Variants in STK32A observed in about 807,000 individuals in gnomAD.
STK32A encodes the protein serine/threonine kinase 32A.
In STK32A, 41 loss-of-function variants were observed where a neutral mutation model predicts 53.2. The observed-to-expected ratio is 0.77, with a 90% CI of 0.60 to 1.00. The LOEUF (loss-of-function observed/expected upper bound fraction) is 1.00, where lower values mean the gene tolerates loss of function less well. Among genes scored for constraint, STK32A ranks in the 50% least tolerant of loss-of-function variants. STK32A has a pLI of 0.00. For missense variants in STK32A, 458 were observed against 485.8 expected (o/e 0.94, Z 0.54); for synonymous variants, 166 against 162.8 (o/e 1.02, Z -0.15).
intron 5 of STK32A, among the ~76,000 whole-genome samples, chr5:147,339,226 T>C (rs1755286048): frequency 6.6e-6 from 1 of 152,112 alleles, no homozygotes. Context: ...CAGCTGTTTC[T>C]AAAGGGGCCA....
In STK32A at chr5:147,343,081, T is replaced by G. The variant is rs545724168; in HGVS notation, c.472+38T>G. The G allele has an allele frequency of 3.0e-5, 48 of 1,606,762 alleles. No homozygotes were observed. In the South Asian group the frequency reaches 5.1e-4, roughly 17 times the overall value. ...TTTGTTTGCAATCAAGTACATGACA[T>G]GCATGTAGAAAAGTTGATTGTTCCC... On this transcript the variant is annotated intron_variant, in intron 6 of 12. Transcript: ENST00000397936.
intron 7 of STK32A, among the ~76,000 whole-genome samples, chr5:147,355,175 G>A (rs111496562): frequency 2.0e-5 from 3 of 152,146 alleles, no homozygotes; most frequent in African/African-American, 7.2e-5. Flanking sequence ...AATACAAGAT[G>A]CTGAGCATAT....
At chr5:147,316,478 C>T (rs764304669) in intron 4 of STK32A, among the ~76,000 whole-genome samples, 3 of 152,138 alleles carry the variant, frequency 2.0e-5, no homozygotes, top group Non-Finnish European at 4.4e-5. Flanking sequence ...TCTAACATGA[C>T]TATGTTCCTA....
intron 2 of STK32A, among the ~76,000 whole-genome samples, chr5:147,248,556 T>G (rs1384029452): frequency 6.6e-6 from 1 of 152,214 alleles, no homozygotes; most frequent in African/African-American, 2.4e-5. Context: ...ATTTATTCGA[T>G]TGAGGAGCAT....
At chr5:147,247,132 A>C (rs1320820076) in intron 2 of STK32A, among the ~76,000 whole-genome samples, 1 of 152,260 alleles carries the variant, frequency 6.6e-6, no homozygotes, top group Non-Finnish European at 1.5e-5. Flanking sequence ...CAATTTGGTT[A>C]TCACTTCAAG....
Position 147,384,002 on chromosome 5 carries a change from T to C in STK32A, c.*19T>C, listed in dbSNP as rs75309134. 5.2e-3 allele frequency: 8,234 copies of C among 1,594,122 alleles called. 429 individuals are homozygous for C. The African/African-American group carries it at 0.1, about 20-fold the overall frequency. ...CTTGTAAAGGCCTCATGTCTTCTTC[T>C]TGGGACAATCTCATGCCAGAAACTT... On this transcript the variant is annotated 3_prime_UTR_variant, in exon 13 of 13. Coordinates refer to ENST00000397936, the MANE Select transcript of STK32A (RefSeq NM_001112724.2).
intron 2 of STK32A, among the ~76,000 whole-genome samples, chr5:147,267,302 A>G (rs1188757833): frequency 1.3e-5 from 2 of 152,190 alleles, no homozygotes; most frequent in Non-Finnish European, 2.9e-5. Context: ...TAAGTAGTAC[A>G]GACAAACCCA....
At chr5:147,318,885 C>G (rs6887536) in intron 4 of STK32A, among the ~76,000 whole-genome samples, 107,725 of 151,982 alleles carry the variant, frequency 0.71, 38,788 homozygotes, top group Middle Eastern at 0.81. Context: ...ATACAAGATA[C>G]CCATTTCTCC....
At chr5:147,261,158 C>T (rs34013186) in intron 2 of STK32A, among the ~76,000 whole-genome samples, 35,469 of 152,092 alleles carry the variant, frequency 0.23, 4,637 homozygotes, top group Admixed American at 0.33. Flanking sequence ...CCAGAGACCA[C>T]CCCCAGAGGG....
chr5:147,300,396 T>C (rs1237412689), intron 4 of STK32A, among the ~76,000 whole-genome samples: 3 of 152,184 alleles, frequency 2.0e-5, no homozygotes, highest in Non-Finnish European at 4.4e-5. Flanking sequence ...TGCAAAAATA[T>C]GTAAGGAACA....
intron 4 of STK32A, among the ~76,000 whole-genome samples, chr5:147,289,316 A>G (rs1752493376): frequency 6.6e-6 from 1 of 152,140 alleles, no homozygotes; most frequent in Non-Finnish European, 1.5e-5. Context: ...GCATTGTATT[A>G]TTTATAAAGT....
intron 1 of STK32A, among the ~76,000 whole-genome samples, chr5:147,238,134 G>A (rs1349086459): frequency 6.6e-6 from 1 of 152,214 alleles, no homozygotes; most frequent in Non-Finnish European, 1.5e-5. Flanking sequence ...AAGCCAGATA[G>A]CTGAGTAGAA....
intron 4 of STK32A, among the ~76,000 whole-genome samples, chr5:147,311,460 CA>C (rs1273940968): frequency 1.3e-5 from 2 of 152,070 alleles, no homozygotes; most frequent in African/African-American, 4.8e-5. Context: ...ATGAGCAGGG[CA>C]CAAAATTCTT....
chr5:147,264,226 T>C (rs60291306), intron 2 of STK32A, among the ~76,000 whole-genome samples: 3,316 of 152,290 alleles, frequency 0.022, 146 homozygotes, highest in African/African-American at 0.076. Context: ...GGGCACTGCA[T>C]GCAAGAGCCA....
At chr5:147,378,734 T>C (rs1328241178) in intron 11 of STK32A, among the ~76,000 whole-genome samples, 1 of 151,908 alleles carries the variant, frequency 6.6e-6, no homozygotes, top group Non-Finnish European at 1.5e-5. Context: ...TCTGTTTAAT[T>C]GGTCTATGCG....
At chr5:147,364,530 T>C (rs1283548114) in intron 8 of STK32A, among the ~76,000 whole-genome samples, 2 of 152,196 alleles carry the variant, frequency 1.3e-5, no homozygotes, top group African/African-American at 4.8e-5. Context: ...AAAATTTTAG[T>C]CTGCAATATC....
downstream of STK32A, chr5:147,391,542 T>C (rs987097041): frequency 1.3e-5 from 2 of 152,376 alleles, no homozygotes; most frequent in Non-Finnish European, 2.9e-5. Context: ...TGGAATCAGA[T>C]AGACGATCCA....
At chr5:147,288,654 T>G (rs1412012098) in intron 4 of STK32A, among the ~76,000 whole-genome samples, 1 of 152,058 alleles carries the variant, frequency 6.6e-6, no homozygotes, top group Non-Finnish European at 1.5e-5. Context: ...CACTACACAC[T>G]TTTAAATGAC....
intron 2 of STK32A, among the ~76,000 whole-genome samples, chr5:147,260,534 G>T (rs1223357275): frequency 3.3e-5 from 5 of 151,910 alleles, no homozygotes; most frequent in African/African-American, 1.2e-4. Flanking sequence ...AACCAGGGAT[G>T]TCTCGCCTTG....
Sources: allele counts gnomAD v4.1 joint callset (sites outside exome capture counted in the v4.1 genomes callset), GRCh38; gene constraint gnomAD v4.1.1; transcripts MANE v1.5; gene names NCBI Gene and HGNC (gene_info 2026-07-23, HGNC 2026-07-21).